MAGI2: variants seen among roughly 807,000 people sequenced by gnomAD.
MAGI2 encodes membrane associated guanylate kinase, WW and PDZ domain containing 2, also known as membrane-associated guanylate kinase, WW and PDZ domain-containing protein 2.
A neutral mutation model predicts 133.3 loss-of-function variants in MAGI2; 35 were observed. The ratio of observed to expected loss-of-function variants is 0.26; its 90% CI spans 0.20 to 0.35. The LOEUF is 0.35. MAGI2 is among the 10% of genes least tolerant of loss of function. The pLI, the probability that MAGI2 is intolerant of heterozygous loss-of-function variation, is 1.00. For missense variants in MAGI2, 1,636 were observed against 1,863.4 expected (o/e 0.88, Z 2.25); for synonymous variants, 729 against 710.6 (o/e 1.03, Z -0.41).
In MAGI2 at chr7:79,079,973, A is replaced by C. The variant is rs73369320; in HGVS notation, c.302-72767T>G. On this transcript the variant is annotated intron_variant, in intron 1 of 21. Transcript: ENST00000354212. ...TAATTATGTTTTGGAAGGAGAAAAG[A>C]GTAAGAGATTGCCAGCACTAATGAT... is the stretch of plus-strand genomic sequence containing the variant. Among the ~76,000 whole-genome samples the C allele has an allele frequency of 7.4e-3, 1,132 of 152,236 alleles. 21 individuals carry two copies. The highest frequency in any genetic ancestry group is 0.026 in the African/African-American group (1,074 of 41,572).
chr7:79,139,445 C>T (rs1326420718), intron 1 of MAGI2, among the ~76,000 whole-genome samples: 1 of 152,128 alleles, frequency 6.6e-6, no homozygotes, highest in Non-Finnish European at 1.5e-5. Flanking sequence ...CACTTGGATA[C>T]AGAACATGTG....
At chr7:78,289,141 G>A (rs987769743) in intron 9 of MAGI2, among the ~76,000 whole-genome samples, 9 of 152,032 alleles carry the variant, frequency 5.9e-5, no homozygotes, top group South Asian at 2.1e-4. Flanking sequence ...TCAGATGATC[G>A]GTAATAACAA....
chr7:78,999,978 CAA>C (rs1270052021), intron 2 of MAGI2, among the ~76,000 whole-genome samples: 7 of 151,992 alleles, frequency 4.6e-5, no homozygotes, highest in Non-Finnish European at 7.4e-5. Context: ...AAAGGAATTT[CAA>C]AAAAGAGTTG....
chr7:79,226,061 G>C (rs758637458), intron 1 of MAGI2, among the ~76,000 whole-genome samples: 3 of 152,096 alleles, frequency 2.0e-5, no homozygotes, highest in Admixed American at 6.6e-5. Context: ...CAGGCATTAG[G>C]CCACTGAAAT....
intron 9 of MAGI2, among the ~76,000 whole-genome samples, chr7:78,324,970 G>A (rs1788437581): frequency 6.6e-6 from 1 of 152,010 alleles, no homozygotes; most frequent in Admixed American, 6.6e-5. Flanking sequence ...CCGTCTCAAA[G>A]AAAATAAATA....
At chr7:78,911,724 G>A (rs868676453) in intron 2 of MAGI2, among the ~76,000 whole-genome samples, 6 of 151,586 alleles carry the variant, frequency 4.0e-5, no homozygotes, top group South Asian at 2.1e-4. Flanking sequence ...TTTTAGGTTC[G>A]GGGGTACATG....
At chr7:78,398,952 A>T (rs1222275543) in intron 6 of MAGI2, among the ~76,000 whole-genome samples, 1 of 152,102 alleles carries the variant, frequency 6.6e-6, no homozygotes. Flanking sequence ...CAATGAACCA[A>T]TCTTTTTTCT....
At chr7:78,618,577 T>TC (rs1425362581) in intron 3 of MAGI2, 3 of 151,956 alleles carry the variant, frequency 2.0e-5, no homozygotes, top group Non-Finnish European at 4.4e-5. Context: ...ATGATTTTTT[T>TC]CTGGGTGAAT....
At chr7:79,188,095 C>T (rs1827324232) in intron 1 of MAGI2, among the ~76,000 whole-genome samples, 1 of 151,826 alleles carries the variant, frequency 6.6e-6, no homozygotes, top group African/African-American at 2.4e-5. Flanking sequence ...TTCTCTTTAC[C>T]ATATTAAGCA....
chr7:78,642,682 T>C (rs1810438874), intron 2 of MAGI2, among the ~76,000 whole-genome samples: 2 of 152,220 alleles, frequency 1.3e-5, no homozygotes, highest in Admixed American at 6.5e-5. Flanking sequence ...CAAGCACTAA[T>C]ACTTATTGAG....
intron 21 of MAGI2, among the ~76,000 whole-genome samples, chr7:78,059,777 A>ATATATATATTTT (rs368179491): frequency 1.6e-4 from 24 of 146,138 alleles, no homozygotes; most frequent in Non-Finnish European, 3.0e-4. Context: ...ATATATATAT[A>ATATATATATTTT]TTTTTTTTCT....
intron 16 of MAGI2, among the ~76,000 whole-genome samples, chr7:78,144,693 T>A (rs1334141278): frequency 6.6e-6 from 1 of 152,168 alleles, no homozygotes; most frequent in Non-Finnish European, 1.5e-5. Context: ...GACAGTGCCA[T>A]CGTGGGGATT....
At chr7:79,379,039 C>T (rs1263435431) in intron 1 of MAGI2, among the ~76,000 whole-genome samples, 3 of 147,972 alleles carry the variant, frequency 2.0e-5, no homozygotes, top group African/African-American at 7.5e-5. Context: ...TATACACGTG[C>T]CATGTTGGTG....
intron 2 of MAGI2, among the ~76,000 whole-genome samples, chr7:78,808,416 C>A (rs113520638): frequency 0.025 from 3,821 of 152,190 alleles, 131 homozygotes; most frequent in African/African-American, 0.079. Context: ...GCCACCACGC[C>A]TGGCTAATTT....
At chr7:79,154,697 A>G (rs987834640) in intron 1 of MAGI2, among the ~76,000 whole-genome samples, 1 of 152,176 alleles carries the variant, frequency 6.6e-6, no homozygotes, top group African/African-American at 2.4e-5. Flanking sequence ...ACTACAAACT[A>G]TTCTCTGGCT....
chr7:78,902,940 C>T (rs1797715247), intron 2 of MAGI2, among the ~76,000 whole-genome samples: 1 of 152,066 alleles, frequency 6.6e-6, no homozygotes, highest in African/African-American at 2.4e-5. Flanking sequence ...AGTTCTAGCA[C>T]ACAGCTTTCC....
intron 2 of MAGI2, among the ~76,000 whole-genome samples, chr7:78,823,268 G>C (rs61298965): frequency 0.024 from 3,705 of 152,200 alleles, 144 homozygotes; most frequent in African/African-American, 0.084. Flanking sequence ...TGGGTTGATA[G>C]TCTAAAAAAA....
intron 20 of MAGI2, among the ~76,000 whole-genome samples, chr7:78,123,929 C>A (rs1464000278): frequency 6.6e-6 from 1 of 152,162 alleles, no homozygotes; most frequent in Non-Finnish European, 1.5e-5. Context: ...TGCTGAGAAC[C>A]ATTGCTCTGG....
At chr7:78,942,552 T>C (rs906623393) in intron 2 of MAGI2, among the ~76,000 whole-genome samples, 1 of 152,146 alleles carries the variant, frequency 6.6e-6, no homozygotes, top group African/African-American at 2.4e-5. Context: ...ATTTCGGGAA[T>C]ATTGATTATT....
Sources: gnomAD v4.1 joint callset for allele counts (sites outside exome capture counted in the v4.1 genomes callset) on GRCh38, gnomAD v4.1.1 for gene constraint, MANE v1.5 for transcripts, NCBI Gene and HGNC (gene_info 2026-07-23, HGNC 2026-07-21) for gene names.